The following DEPDC1 variants were observed in gnomAD, a reference collection of about 807,000 sequenced individuals.
DEPDC1 encodes DEP domain-containing protein 1A.
In DEPDC1, 66 loss-of-function variants were observed where a neutral mutation model predicts 86.8. That is an observed-to-expected ratio of 0.76 (90% CI 0.62 to 0.93). The LOEUF is 0.93. Ranked by LOEUF, DEPDC1 falls within the 40% of genes least tolerant of loss-of-function variation. The pLI is 0.00. For synonymous variants in DEPDC1, 255 were observed against 314.9 expected (o/e 0.81, Z 2.02); for missense variants, 792 against 935.7 (o/e 0.85, Z 2.00).
chr1:68,492,835 A>C (rs549899129), intron 2 of DEPDC1, among the ~76,000 whole-genome samples: 1 of 152,298 alleles, frequency 6.6e-6, no homozygotes, highest in South Asian at 2.1e-4. Flanking sequence ...AAGGACAAGA[A>C]AGGGAAAGAA....
Position 68,486,979 on chromosome 1 carries a change from G to C in DEPDC1, c.727C>G (p.Leu243Val). 1.9e-6 allele frequency: 3 copies of C among 1,596,798 alleles called. No homozygotes were observed. Among genetic ancestry groups the C allele is most frequent in the Non-Finnish European group, 2.6e-6 (3 of 1,173,502 alleles). Reference sequence around the variant, plus strand: ...ATGGCAGATAATACCCAGTGAGGGAGGTCATCTACACAAAAAGAAAAATAT... The same window carrying C: ...ATGGCAGATAATACCCAGTGAGGGACGTCATCTACACAAAAAGAAAAATAT... Reference protein sequence around the residue: ...VVILQNKSDDLPHWVLSAMKC... With the variant: ...VVILQNKSDDVPHWVLSAMKC... Residue 243 changes from leucine to valine, a missense_variant, in exon 6 of 12, where the codon CTC (leucine) becomes GTC (valine). Physicochemically the swap from Leu to Val is conservative, Grantham distance 32. Coordinates refer to ENST00000456315, the MANE Select transcript of DEPDC1 (RefSeq NM_001114120.3).
At chr1:68,482,956 A>T in intron 7 of DEPDC1, 59 bp from the exon 8 acceptor site, 15 of 1,489,118 alleles carry the variant, frequency 1.0e-5, no homozygotes, top group Non-Finnish European at 1.3e-5. Context: ...CAAAAATAAA[A>T]CAAAAACAAT....
At position 68,488,943 on chromosome 1, in the gene DEPDC1, T is replaced by A. The variant is rs771608291; in HGVS notation, c.563A>T (p.Glu188Val). 1 of 1,599,500 alleles carries A rather than the reference T, an allele frequency of 6.3e-7. No individual in the cohort carries two copies. The highest frequency in any genetic ancestry group is 8.6e-7 in the Non-Finnish European group (1 of 1,169,126). ...GATCAGAATAACATATCTCCAAACTTCTTCAACATCTTCCTGGCTTAGTTC... is the reference window on the plus strand; with the variant it reads ...GATCAGAATAACATATCTCCAAACTACTTCAACATCTTCCTGGCTTAGTTC... ...NRELSQEDVE[E>V]VWRYVILIYL... The change falls in exon 4 of 12, where the codon GAA becomes GTA. Residue 188 changes from glutamate to valine, a missense_variant. Transcript: ENST00000456315.
intron 8 of DEPDC1, 131 bp downstream of exon 8, chr1:68,481,915 G>A (rs1646158559): frequency 2.1e-6 from 2 of 949,606 alleles, no homozygotes. Context: ...ACAGACAAAA[G>A]TCTTTTTAAA....
At chr1:68,492,005 T>C (rs1646232289) in intron 2 of DEPDC1, among the ~76,000 whole-genome samples, 1 of 151,528 alleles carries the variant, frequency 6.6e-6, no homozygotes, top group East Asian at 1.9e-4. Flanking sequence ...GATCCTCCTG[T>C]CTTGGCCTCC....
chr1:68,482,981 AT>A (rs1646168258), intron 7 of DEPDC1, 84 bp from the exon 8 acceptor site: 2 of 1,370,396 alleles, frequency 1.5e-6, no homozygotes, highest in African/African-American at 1.5e-5. Context: ...AAGTTAAAAA[AT>A]AAAGCATTAC....
chr1:68,481,545 G>C lies in DEPDC1; in HGVS notation c.1830C>G (p.Pro610=), dbSNP rs2100249205. The change falls in exon 9 of 12, where the codon CCC becomes CCG. Residue 610 remains proline, a synonymous_variant. Transcript: ENST00000456315. ...GTTGAAGCTTTCTACGATTTGGTGG[G>C]GGAAGTAACAAACAACATAACTGTA... The part of the protein sequence containing the change: ...DALQLCCLLL[P]PPNRRKLQLL... The C allele has an allele frequency of 6.2e-7, 1 of 1,611,916 alleles. No homozygotes were observed. The highest frequency in any genetic ancestry group is 2.2e-5 in the East Asian group (1 of 44,796).
rs146321687 is a variant in DEPDC1 at position 68,477,827 on chromosome 1, C to T, written c.2258G>A (p.Arg753Lys). ...AELLENIIKNRSLPLKEKRKK... is the reference protein window; with the variant it reads ...AELLENIIKNKSLPLKEKRKK... ...TCTTTTCTCCTTTAGAGGTAAACTC[C>T]TGTTTTTAATAATATTTTCTAAAAG... is the stretch of plus-strand genomic sequence containing the variant. The change falls in exon 11 of 12, where the codon AGG becomes AAG. Residue 753 changes from arginine (R) to lysine (K), a missense_variant. Arg to Lys is a conservative substitution (Grantham distance 26, BLOSUM62 2). Transcript: ENST00000456315. The T allele has an allele frequency of 6.4e-7, 1 of 1,554,864 alleles. No individual in the cohort carries two copies. The highest frequency in any genetic ancestry group is 8.7e-7 in the Non-Finnish European group (1 of 1,150,524).
At chr1:68,481,877 G>C (rs1226037841) in intron 8 of DEPDC1, 169 bp downstream of exon 8, 1 of 712,020 alleles carries the variant, frequency 1.4e-6, no homozygotes, top group Non-Finnish European at 2.1e-6. Flanking sequence ...AAGTTCCTTA[G>C]GTAAACAGAA....
chr1:68,479,109 C>G (rs3762282), intron 10 of DEPDC1, 35 bp downstream of exon 10: 80,313 of 1,560,638 alleles, frequency 0.051, 2,505 homozygotes, highest in African/African-American at 0.14. Context: ...TTGCAACTGA[C>G]TATTGCAGAG....
In DEPDC1 at chr1:68,479,319, A is replaced by G. The variant is rs1367297048; in HGVS notation, c.1937T>C (p.Met646Thr). The change falls in exon 10 of 12, where the codon ATG (methionine) becomes ACG (threonine). Residue 646 changes from methionine (M) to threonine (T), a missense_variant and splice_region_variant. Transcript: ENST00000456315. Reference sequence around the variant, plus strand: ...CACACATCGAGAAAAGGTATGTATCATCTAGAAAAATATTAAAAGATGTGA... The same window carrying G: ...CACACATCGAGAAAAGGTATGTATCGTCTAGAAAAATATTAAAAGATGTGA... ...LHDAMGTRSL[M>T]IHTFSRCVLC... 1.9e-6 allele frequency: 3 copies of G among 1,567,988 alleles called. No homozygotes were observed. The highest frequency in any genetic ancestry group is 1.7e-6 in the Non-Finnish European group (2 of 1,158,914).
chr1:68,494,116 G>A (rs1225055897), intron 2 of DEPDC1, among the ~76,000 whole-genome samples: 3 of 152,162 alleles, frequency 2.0e-5, no homozygotes, highest in Non-Finnish European at 4.4e-5. Context: ...TAGAAACTAT[G>A]CAACTAAAGG....
At chr1:68,491,198 T>A (rs1299862721) in intron 2 of DEPDC1, among the ~76,000 whole-genome samples, 1 of 152,062 alleles carries the variant, frequency 6.6e-6, no homozygotes, top group Non-Finnish European at 1.5e-5. Context: ...TGTAGTTACA[T>A]GAAGGAGCTA....
rs1299228987 is a variant in DEPDC1, at chr1:68,496,804, TCTC to T, written c.48+145_48+147del. 3 of 772,366 alleles carry T rather than the reference TCTC, an allele frequency of 3.9e-6. No homozygotes were observed. The highest frequency in any genetic ancestry group is 6.5e-6 in the Non-Finnish European group (3 of 463,190). The allele number at this position is 772,366 out of a possible 1,614,324, so 47.8% of individuals were successfully genotyped here. ...TGGCAAGGGTTGCATACCCGCTACTTCTCCTCGCCAGCCTTTTCACTGAACCTA... is the reference window on the plus strand; with the variant it reads ...TGGCAAGGGTTGCATACCCGCTACTTCTCGCCAGCCTTTTCACTGAACCTA... On this transcript the variant is annotated intron_variant, in intron 1 of 11. Transcript: ENST00000456315. This position sits in a 1 kb window ranked among gnomAD's most constrained non-coding sequence, Gnocchi z 4.0.
chr1:68,484,639 G>A (rs907394412), intron 6 of DEPDC1, among the ~76,000 whole-genome samples: 1 of 151,948 alleles, frequency 6.6e-6, no homozygotes, highest in Non-Finnish European at 1.5e-5. Context: ...GAGGCTGAGA[G>A]TACCTTGCCC....
intron 1 of DEPDC1, among the ~76,000 whole-genome samples, chr1:68,495,097 G>A (rs945966309): frequency 2.0e-5 from 3 of 151,792 alleles, no homozygotes; most frequent in Non-Finnish European, 4.4e-5. Context: ...AGCTGAGATT[G>A]CACCATTGCA....
intron 7 of DEPDC1, chr1:68,483,357 T>A: frequency 2.0e-6 from 1 of 508,816 alleles, no homozygotes; most frequent in Non-Finnish European, 3.9e-6. Flanking sequence ...TCAGCGTATC[T>A]GAGTTCATGC....
intron 5 of DEPDC1, among the ~76,000 whole-genome samples, chr1:68,487,844 A>C (rs766547487): frequency 3.9e-5 from 6 of 151,906 alleles, no homozygotes; most frequent in Non-Finnish European, 8.8e-5. Flanking sequence ...TTTGTATCTA[A>C]ATCTGAAATC....
At chr1:68,481,814 C>G in intron 8 of DEPDC1, 1 of 608,796 alleles carries the variant, frequency 1.6e-6, no homozygotes. Context: ...TAAAATTCTT[C>G]ACTTATTACA....
Sources: gnomAD v4.1 joint callset for allele counts (sites outside exome capture counted in the v4.1 genomes callset) on GRCh38, gnomAD v4.1.1 for gene constraint, Gnocchi (gnomAD v3.1) non-coding constraint, MANE v1.5 for transcripts, NCBI Gene and HGNC (gene_info 2026-07-23, HGNC 2026-07-21) for gene names.